The following PARD3B variants were observed in gnomAD, a reference collection of about 807,000 sequenced individuals.
PARD3B encodes the protein partitioning defective 3 homolog B.
PARD3B carries 103 observed loss-of-function variants against 130.2 expected under a neutral mutation model. That is an observed-to-expected ratio of 0.79 (90% confidence interval 0.67 to 0.93). The LOEUF is 0.93. Ranked by LOEUF, PARD3B falls within the 40% of genes least tolerant of loss-of-function variation. PARD3B has a pLI of 0.00. For missense variants in PARD3B, 1,609 were observed against 1,499.2 expected (o/e 1.07, Z -1.21); for synonymous variants, 583 against 553.2 (o/e 1.05, Z -0.76).
In PARD3B at chr2:204,957,654, A is replaced by G. The variant is rs550581554; in HGVS notation, c.223-7498A>G. 4.6e-5 allele frequency among the ~76,000 whole-genome samples: 7 copies of G among 152,210 alleles called. No individual in the cohort carries two copies. The East Asian group carries it at 1.4e-3, about 29-fold the overall frequency. Reference sequence around the variant, plus strand: ...TTTAGCTAGCTGTCAAAATCCTGGGAAGGAAGAGAACGTACTTTGAAACCT... The same window carrying G: ...TTTAGCTAGCTGTCAAAATCCTGGGGAGGAAGAGAACGTACTTTGAAACCT... On this transcript the variant is annotated intron_variant, in intron 2 of 22. Transcript: ENST00000406610.
chr2:204,690,260 C>CT (rs1460631145), intron 2 of PARD3B, among the ~76,000 whole-genome samples: 1 of 152,118 alleles, frequency 6.6e-6, no homozygotes, highest in African/African-American at 2.4e-5. Context: ...ACAGTAACTA[C>CT]TTTTTTGCAC....
rs2044027415 is a variant in PARD3B at position 205,352,392 on chromosome 2, C to T, written c.2631-48621C>T. On this transcript the variant is annotated intron_variant, in intron 18 of 22. Coordinates refer to ENST00000406610, the MANE Select transcript of PARD3B (RefSeq NM_001302769.2). The surrounding 1 kb of genome is among the most constrained non-coding windows in gnomAD (Gnocchi z 5.2). ...CTTGTAAATGGGTTTCATATGGTAA[C>T]TAGTGACCTTGAAGGACTCAATTTT... 1.3e-5 allele frequency among the ~76,000 whole-genome samples: 2 copies of T among 152,142 alleles called. No individual in the cohort carries two copies. Among genetic ancestry groups the T allele is most frequent in the South Asian group, 4.1e-4 (2 of 4,824 alleles).
In PARD3B at chr2:205,067,590, T is replaced by A. The variant is rs537635782; in HGVS notation, c.504+19900T>A. On this transcript the variant is annotated intron_variant, in intron 4 of 22. Coordinates refer to ENST00000406610, the MANE Select transcript of PARD3B (RefSeq NM_001302769.2). ...AGAAAATTTCTAAAATGAATTACAA[T>A]ATTTTCCAATGTTTTAAGTTGGAAT... Among the ~76,000 whole-genome samples, 30 of 152,332 alleles carry A rather than the reference T, an allele frequency of 2.0e-4. 1 individual carries two copies. The South Asian group carries it at 5.8e-3, about 29-fold the overall frequency.
chr2:205,172,417 C>T lies in PARD3B; in HGVS notation c.1791+36C>T, dbSNP rs190912723. The T allele has an allele frequency of 3.6e-4, 578 of 1,586,584 alleles. No individual in the cohort carries two copies. In the African/African-American group the frequency reaches 7.0e-3, roughly 19 times the overall value. ...TCTTGATTCTCCTCAGCCAGTTGCC[C>T]AAATTGCCACCAGAATATGCAGACT... On this transcript the variant is annotated intron_variant, in intron 12 of 22. Coordinates refer to ENST00000406610, the MANE Select transcript of PARD3B (RefSeq NM_001302769.2).
chr2:204,546,157 C>G, intron 1 of PARD3B, 38 bp downstream of exon 1: 2 of 1,548,670 alleles, frequency 1.3e-6, no homozygotes, highest in Non-Finnish European at 1.7e-6. Flanking sequence ...CGGCTGCAGC[C>G]AAGGCACCTG....
intron 15 of PARD3B, among the ~76,000 whole-genome samples, chr2:205,226,865 T>C (rs1226466718): frequency 6.6e-6 from 1 of 152,146 alleles, no homozygotes; most frequent in East Asian, 1.9e-4. Flanking sequence ...ATGACATAGA[T>C]TTTAGGATTG....
intron 2 of PARD3B, among the ~76,000 whole-genome samples, chr2:204,718,444 A>T (rs183871456): frequency 7.5e-4 from 114 of 152,242 alleles, no homozygotes; most frequent in African/African-American, 2.6e-3. Flanking sequence ...AGGAGACAGC[A>T]GGGGAAACCA....
intron 21 of PARD3B, among the ~76,000 whole-genome samples, chr2:205,549,576 C>T (rs2052527220): frequency 6.6e-6 from 1 of 152,108 alleles, no homozygotes; most frequent in African/African-American, 2.4e-5. Context: ...ATATGACACT[C>T]TGGAATTGAC....
intron 2 of PARD3B, among the ~76,000 whole-genome samples, chr2:204,718,208 G>A (rs1419161947): frequency 6.6e-6 from 1 of 151,822 alleles, no homozygotes; most frequent in Non-Finnish European, 1.5e-5. Flanking sequence ...GTGTCTATAT[G>A]CTTTCTCTCT....
At chr2:204,549,270 G>A (rs1304324086) in intron 1 of PARD3B, among the ~76,000 whole-genome samples, 1 of 152,120 alleles carries the variant, frequency 6.6e-6, no homozygotes, top group Non-Finnish European at 1.5e-5. Flanking sequence ...TGAGAACTGT[G>A]GGATTGCTTA....
intron 3 of PARD3B, among the ~76,000 whole-genome samples, chr2:205,025,153 C>T (rs1053624214): frequency 5.9e-5 from 9 of 152,116 alleles, no homozygotes; most frequent in African/African-American, 1.2e-4. Context: ...GTATTAATGC[C>T]GATTTTAGGT....
chr2:205,299,830 G>A (rs1012895805), intron 16 of PARD3B, among the ~76,000 whole-genome samples: 1 of 152,058 alleles, frequency 6.6e-6, no homozygotes, highest in Non-Finnish European at 1.5e-5. Flanking sequence ...TACCAAATAG[G>A]AATACATTCA....
rs543999884 is a variant in PARD3B at position 205,128,265 on chromosome 2, C to G, written c.1434+2528C>G. On this transcript the variant is annotated intron_variant, in intron 10 of 22. Transcript: ENST00000406610. The surrounding 1 kb of genome is among the most constrained non-coding windows in gnomAD (Gnocchi z 4.5). ...CCAACTAGGAACTTAAACCCTCGAG[C>G]CTGCAGTTTCTGTCTAGTAGTTCCT... Among the ~76,000 whole-genome samples, 1 of 152,322 alleles carries G rather than the reference C, an allele frequency of 6.6e-6. No individual in the cohort carries two copies. The highest frequency in any genetic ancestry group is 1.9e-4 in the East Asian group (1 of 5,182).
chr2:205,420,344 G>C (rs2046926034), intron 19 of PARD3B, among the ~76,000 whole-genome samples: 1 of 152,278 alleles, frequency 6.6e-6, no homozygotes, highest in African/African-American at 2.4e-5. Context: ...GTAGTATTAG[G>C]TCATTTAGCC....
In PARD3B at chr2:205,525,415, A is replaced by G. The variant is rs1176094590; in HGVS notation, c.3180+25384A>G. ...TTTTTTGTTTTTGTTTTTACATTGA[A>G]GATGTAAAAAATAATTACAATATAA... On this transcript the variant is annotated intron_variant, in intron 21 of 22. Transcript: ENST00000406610. This position sits in a 1 kb window ranked among gnomAD's most constrained non-coding sequence, Gnocchi z 4.2. Among the ~76,000 whole-genome samples the G allele has an allele frequency of 2.0e-5, 3 of 152,188 alleles. No individual in the cohort carries two copies. Among genetic ancestry groups the G allele is most frequent in the African/African-American group, 7.2e-5 (3 of 41,454 alleles).
At chr2:204,551,309 T>C (rs1188677102) in intron 1 of PARD3B, among the ~76,000 whole-genome samples, 2 of 152,224 alleles carry the variant, frequency 1.3e-5, no homozygotes, top group Non-Finnish European at 2.9e-5. Context: ...TGCTGGGCTT[T>C]ACTTTCCCAC....
intron 15 of PARD3B, among the ~76,000 whole-genome samples, chr2:205,221,906 A>G (rs780219286): frequency 1.4e-4 from 21 of 152,170 alleles, no homozygotes; most frequent in Admixed American, 2.6e-4. Context: ...TAAAAACATT[A>G]TATGCTGGAC....
At chr2:205,222,432 A>G (rs1173303841) in intron 15 of PARD3B, among the ~76,000 whole-genome samples, 2 of 152,232 alleles carry the variant, frequency 1.3e-5, no homozygotes, top group Non-Finnish European at 2.9e-5. Context: ...AATGAAGATA[A>G]TAAAACCCAA....
chr2:205,530,566 A>G lies in PARD3B; in HGVS notation c.3181-22758A>G, dbSNP rs892117965. 4.6e-5 allele frequency among the ~76,000 whole-genome samples: 7 copies of G among 152,180 alleles called. No individual in the cohort carries two copies. Among genetic ancestry groups the G allele is most frequent in the African/African-American group, 1.7e-4 (7 of 41,454 alleles). ...TAAGGGTTCAGAATCTATTACTACA[A>G]CTGCCAGAGATTTGCCCTCTTCGGG... On this transcript the variant is annotated intron_variant, in intron 21 of 22. Coordinates refer to ENST00000406610, the MANE Select transcript of PARD3B (RefSeq NM_001302769.2). The surrounding 1 kb of genome is among the most constrained non-coding windows in gnomAD (Gnocchi z 4.7).
Sources: allele counts gnomAD v4.1 joint callset (sites outside exome capture counted in the v4.1 genomes callset), GRCh38; gene constraint gnomAD v4.1.1; non-coding constraint Gnocchi (gnomAD v3.1); transcripts MANE v1.5; gene names NCBI Gene and HGNC (gene_info 2026-07-23, HGNC 2026-07-21).